PTK2B: variants seen among roughly 807,000 people sequenced by gnomAD.
PTK2B encodes protein tyrosine kinase 2 beta.
PTK2B carries 71 observed loss-of-function variants against 142.9 expected under a neutral mutation model. The ratio of observed to expected loss-of-function variants is 0.50; its 90% confidence interval spans 0.41 to 0.61. The LOEUF (loss-of-function observed/expected upper bound fraction) is 0.61. Ranked by LOEUF, PTK2B falls within the 20% of genes least tolerant of loss-of-function variation. The pLI, the probability that PTK2B is intolerant of heterozygous loss-of-function variation, is 0.00. For synonymous variants in PTK2B, 519 were observed against 503.4 expected, an observed-to-expected ratio of 1.03 and a Z score of -0.42; for missense variants, 1,105 against 1,320.4, an observed-to-expected ratio of 0.84 and a Z score of 2.53.
intron 1 of PTK2B, among the ~76,000 whole-genome samples, chr8:27,349,185 C>T (rs1174775714): frequency 6.6e-6 from 1 of 152,202 alleles, no homozygotes; most frequent in East Asian, 1.9e-4. Context: ...GAGAAAACAA[C>T]AGAGAAGGCC....
intron 3 of PTK2B, among the ~76,000 whole-genome samples, chr8:27,318,099 G>A (rs1563453673): frequency 6.6e-6 from 1 of 152,108 alleles, no homozygotes; most frequent in Non-Finnish European, 1.5e-5. Context: ...AAAGTAATAG[G>A]AGTTAATGAA....
chr8:27,320,980 C>CTTTT (rs776395346), upstream of PTK2B, among the ~76,000 whole-genome samples: 1,617 of 39,274 alleles, frequency 0.041, 459 homozygotes, highest in Non-Finnish European at 0.053. Flanking sequence ...ATACAAAAGG[C>CTTTT]TTTTTTTTTT....
rs766074017 is a variant in PTK2B at position 27,458,549 on chromosome 8, C to A, written c.*40C>A. 6.5e-6 allele frequency: 10 copies of A among 1,537,396 alleles called. No individual in the cohort carries two copies. In the East Asian group the frequency reaches 2.4e-4, roughly 38 times the overall value. ...CACCTGCCTGCGTCTTCCGCCCCTG[C>A]CTGCCATGTACCTCCCCTGCCTTGC... On this transcript the variant is annotated 3_prime_UTR_variant, in exon 31 of 31. Coordinates refer to ENST00000346049, the MANE Select transcript of PTK2B (RefSeq NM_173176.3).
intron 21 of PTK2B, 69 bp downstream of exon 21, chr8:27,440,510 A>G: frequency 6.5e-7 from 1 of 1,539,170 alleles, no homozygotes; most frequent in Non-Finnish European, 8.9e-7. Flanking sequence ...ACCAGCACAC[A>G]GAGAGGTTTG....
intron 24 of PTK2B, among the ~76,000 whole-genome samples, chr8:27,447,410 T>C (rs984642036): frequency 6.6e-6 from 1 of 152,226 alleles, no homozygotes. Flanking sequence ...TTTGGAAGCA[T>C]TTAACAAAAA....
intron 1 of PTK2B, among the ~76,000 whole-genome samples, chr8:27,358,617 CTT>C (rs1805521984): frequency 6.6e-6 from 1 of 152,028 alleles, no homozygotes; most frequent in Non-Finnish European, 1.5e-5. Context: ...GTCTAAGTGT[CTT>C]TGTCTTTTAA....
upstream of PTK2B, chr8:27,310,896 C>T: frequency 6.2e-7 from 1 of 1,612,834 alleles, no homozygotes; most frequent in Non-Finnish European, 8.5e-7. Context: ...TCCTTGTCCT[C>T]GAGGCAGAAG....
chr8:27,388,853 G>C (rs1018285439), intron 1 of PTK2B, among the ~76,000 whole-genome samples: 1 of 152,198 alleles, frequency 6.6e-6, no homozygotes, highest in Non-Finnish European at 1.5e-5. Flanking sequence ...CCTTGTGCCA[G>C]ATTTATATTT....
At chr8:27,340,837 G>C (rs1028855111) in intron 1 of PTK2B, among the ~76,000 whole-genome samples, 1 of 152,202 alleles carries the variant, frequency 6.6e-6, no homozygotes. Flanking sequence ...CATGCTGGCC[G>C]CTGGCCAGCA....
chr8:27,413,491 G>A (rs1177068696), intron 2 of PTK2B, among the ~76,000 whole-genome samples: 5 of 152,106 alleles, frequency 3.3e-5, no homozygotes, highest in Admixed American at 3.3e-4. Context: ...AAGAGTACAG[G>A]CCTTTTGTTC....
chr8:27,319,020 C>T (rs1295965923), intron 3 of PTK2B, among the ~76,000 whole-genome samples: 3 of 152,040 alleles, frequency 2.0e-5, no homozygotes, highest in Non-Finnish European at 4.4e-5. Context: ...AAAAATTGAC[C>T]CAAATCAATT....
intron 1 of PTK2B, among the ~76,000 whole-genome samples, chr8:27,381,465 T>G (rs1055884619): frequency 3.3e-5 from 5 of 152,262 alleles, no homozygotes; most frequent in Non-Finnish European, 7.3e-5. Context: ...CTTATTTCAC[T>G]TAACATAACA....
chr8:27,454,881 C>G lies in PTK2B; in HGVS notation c.2814+270C>G, dbSNP rs1486875418. ...TGAGTTTATGCTAAAGGGGACACAC[C>G]TTCCTTTCCCCCCTCCTATTATTGT... On this transcript the variant is annotated intron_variant, in intron 30 of 30. Transcript: ENST00000346049. Among the ~76,000 whole-genome samples, 3 of 152,232 alleles carry G rather than the reference C, an allele frequency of 2.0e-5. No homozygotes were observed. In the East Asian group the frequency reaches 5.8e-4, roughly 29 times the overall value.
At chr8:27,422,256 G>A (rs751886432) in intron 4 of PTK2B, 48 bp from the exon 5 acceptor site, 4 of 1,568,758 alleles carry the variant, frequency 2.5e-6, no homozygotes, top group African/African-American at 2.7e-5. Flanking sequence ...GTGCAGGGAA[G>A]TGGGAGGTGA....
intron 1 of PTK2B, among the ~76,000 whole-genome samples, chr8:27,371,159 G>C (rs1008225830): frequency 1.3e-5 from 2 of 152,144 alleles, no homozygotes; most frequent in African/African-American, 4.8e-5. Flanking sequence ...CCTCCCAAAC[G>C]CTGGGATTAC....
At chr8:27,369,231 T>C (rs1396527855) in intron 1 of PTK2B, among the ~76,000 whole-genome samples, 1 of 152,158 alleles carries the variant, frequency 6.6e-6, no homozygotes, top group Non-Finnish European at 1.5e-5. Context: ...GCCCTACAGC[T>C]TACCTTCTAC....
intron 2 of PTK2B, among the ~76,000 whole-genome samples, chr8:27,409,733 T>A (rs2131625876): frequency 6.6e-6 from 1 of 152,284 alleles, no homozygotes; most frequent in South Asian, 2.1e-4. Context: ...AGACTTATTT[T>A]TATTTTTGAG....
intron 1 of PTK2B, among the ~76,000 whole-genome samples, chr8:27,335,870 G>T (rs1274168936): frequency 1.3e-5 from 2 of 152,186 alleles, no homozygotes; most frequent in African/African-American, 4.8e-5. Context: ...CTTCAAAGCA[G>T]ATCTTAGGCA....
At chr8:27,356,554 T>C (rs916970508) in intron 1 of PTK2B, among the ~76,000 whole-genome samples, 3 of 152,224 alleles carry the variant, frequency 2.0e-5, no homozygotes, top group African/African-American at 7.2e-5. Context: ...AGTGAATTCA[T>C]GGAATGCAGT....
Sources: gnomAD v4.1 joint callset for allele counts (sites outside exome capture counted in the v4.1 genomes callset) on GRCh38, gnomAD v4.1.1 for gene constraint, MANE v1.5 for transcripts, NCBI Gene and HGNC (gene_info 2026-07-23, HGNC 2026-07-21) for gene names.